Variants in PRUNE2 observed in about 807,000 individuals in gnomAD.
PRUNE2 encodes prune homolog 2 with BCH domain, also known as protein prune homolog 2.
A neutral mutation model predicts 252.0 loss-of-function variants in PRUNE2; 164 were observed. The observed-to-expected ratio is 0.65, with a 90% confidence interval of 0.57 to 0.74. PRUNE2 has a LOEUF of 0.74. Ranked by LOEUF, PRUNE2 falls within the 30% of genes least tolerant of loss-of-function variation. PRUNE2 has a pLI of 0.00. For synonymous variants in PRUNE2, 1,292 were observed against 1,350.2 expected (o/e 0.96, Z 0.94); for missense variants, 3,495 against 3,711.0 (o/e 0.94, Z 1.51).
chr9:76,833,710 A>C (rs148080158), intron 4 of PRUNE2, among the ~76,000 whole-genome samples: 1,823 of 151,542 alleles, frequency 0.012, 38 homozygotes, highest in African/African-American at 0.041. Flanking sequence ...GCTTGCAGTG[A>C]GCCGAGATTG....
intron 6 of PRUNE2, among the ~76,000 whole-genome samples, chr9:76,768,092 T>C (rs1033203246): frequency 6.6e-6 from 1 of 152,078 alleles, no homozygotes; most frequent in Non-Finnish European, 1.5e-5. Flanking sequence ...TCCCTGGCCA[T>C]CCCAGCACGG....
Position 76,905,937 on chromosome 9 carries a change from T to A in PRUNE2, c.27A>T (p.Lys9Asn). Residue 9 changes from lysine (K) to asparagine (N), a missense_variant, in exon 1 of 19, where the codon AAA (lysine) becomes AAT (asparagine). Physicochemically the swap from Lys to Asn is moderately conservative, Grantham distance 94. Transcript: ENST00000376718. The stretch of plus-strand genomic sequence containing the variant: ...TGCTCACTCAACTTACCAGTTTAGA[T>A]TTGGCGCGTTGCAAAAATTCTTCCA... MEEFLQRA[K>N]SKLNRSKRLE... is the part of the protein sequence containing the mutation. 1 of 1,614,180 alleles carries A rather than the reference T, an allele frequency of 6.2e-7. No individual in the cohort carries two copies. The highest frequency in any genetic ancestry group is 8.5e-7 in the Non-Finnish European group (1 of 1,180,026).
intron 1 of PRUNE2, among the ~76,000 whole-genome samples, chr9:76,859,245 G>T (rs2060425144): frequency 6.6e-6 from 1 of 152,112 alleles, no homozygotes; most frequent in South Asian, 2.1e-4. Flanking sequence ...ACTTTAATAT[G>T]CTTTCAAAGT....
chr9:76,837,346 G>A (rs747668183), intron 4 of PRUNE2, among the ~76,000 whole-genome samples: 2 of 151,952 alleles, frequency 1.3e-5, no homozygotes, highest in African/African-American at 2.4e-5. Context: ...GGAGGCTGAG[G>A]CAGGAGAATT....
intron 15 of PRUNE2, among the ~76,000 whole-genome samples, chr9:76,631,719 A>G (rs553612112): frequency 6.6e-6 from 1 of 152,294 alleles, no homozygotes; most frequent in South Asian, 2.1e-4. Context: ...AGGTTTTTAC[A>G]TGGGTAAACT....
chr9:76,668,906 G>C (rs764682388), intron 9 of PRUNE2, among the ~76,000 whole-genome samples: 1 of 150,282 alleles, frequency 6.7e-6, no homozygotes, highest in African/African-American at 2.4e-5. Context: ...CTGAGATCAA[G>C]ATGTCATCAG....
chr9:76,734,273 C>T (rs1228552920), intron 6 of PRUNE2, among the ~76,000 whole-genome samples: 2 of 152,072 alleles, frequency 1.3e-5, no homozygotes, highest in African/African-American at 2.4e-5. Context: ...AATGGAAAGA[C>T]GTTCAGGAGG....
At chr9:76,904,881 T>G (rs937488354) in intron 1 of PRUNE2, among the ~76,000 whole-genome samples, 2 of 152,234 alleles carry the variant, frequency 1.3e-5, no homozygotes, top group East Asian at 3.8e-4. Flanking sequence ...GCACTCCCTT[T>G]GTTGTGCGAG....
intron 1 of PRUNE2, among the ~76,000 whole-genome samples, chr9:76,892,679 C>A (rs1179685719): frequency 1.3e-5 from 2 of 152,140 alleles, no homozygotes; most frequent in African/African-American, 4.8e-5. Flanking sequence ...TATCTTAAGT[C>A]CTGTGCACAA....
At chr9:76,845,499 T>C (rs1164521480) in intron 4 of PRUNE2, among the ~76,000 whole-genome samples, 1 of 152,184 alleles carries the variant, frequency 6.6e-6, no homozygotes, top group Non-Finnish European at 1.5e-5. Flanking sequence ...ATAGAGCGTT[T>C]TTACCGACAT....
chr9:76,833,133 T>C (rs1190058644), intron 4 of PRUNE2, among the ~76,000 whole-genome samples: 1 of 152,174 alleles, frequency 6.6e-6, no homozygotes, highest in Non-Finnish European at 1.5e-5. Flanking sequence ...GAATTATATC[T>C]TCATTTTATG....
rs145457643 is a variant in PRUNE2 at position 76,904,944 on chromosome 9, C to T, written c.36+984G>A. Among the ~76,000 whole-genome samples, 440 of 152,292 alleles carry T rather than the reference C, an allele frequency of 2.9e-3. 2 individuals carry two copies. Among genetic ancestry groups the T allele is most frequent in the African/African-American group, 1.0e-2 (414 of 41,558 alleles). ...CAAATATCCTGCCTTGTGATTAAAA[C>T]ATTACCTTAATGCAGACTTTACATT... is the stretch of plus-strand genomic sequence containing the variant. On this transcript the variant is annotated intron_variant, in intron 1 of 18. Coordinates refer to ENST00000376718, the MANE Select transcript of PRUNE2 (RefSeq NM_015225.3).
At chr9:76,723,638 G>GT (rs1169113545) in intron 6 of PRUNE2, among the ~76,000 whole-genome samples, 3 of 152,094 alleles carry the variant, frequency 2.0e-5, no homozygotes, top group Non-Finnish European at 4.4e-5. Context: ...TAAGCATGTC[G>GT]TAAGTATGAA....
chr9:76,622,982 C>A (rs1833032701), intron 17 of PRUNE2, among the ~76,000 whole-genome samples: 1 of 152,052 alleles, frequency 6.6e-6, no homozygotes, highest in South Asian at 2.1e-4. Flanking sequence ...TAAAAATGTA[C>A]CATAGGGGAA....
chr9:76,613,802 TA>T lies in PRUNE2; in HGVS notation c.*767del, dbSNP rs1258401975. ...ACCTTGCACTTGAGTTCTTGGCACT[TA>T]AAAGGTAACCTCTGGAGCTGAGTTT... On this transcript the variant is annotated 3_prime_UTR_variant, in exon 19 of 19. Transcript: ENST00000376718. The T allele has an allele frequency of 6.6e-6, 1 of 152,258 alleles. No homozygotes were observed. The highest frequency in any genetic ancestry group is 2.4e-5 in the African/African-American group (1 of 41,546). 9.4% of individuals were successfully genotyped at this position (152,258 alleles called of 1,614,324 possible).
chr9:76,877,399 G>A (rs143903215), intron 1 of PRUNE2, among the ~76,000 whole-genome samples: 38 of 152,062 alleles, frequency 2.5e-4, no homozygotes, highest in African/African-American at 8.0e-4. Flanking sequence ...CCAGCTAATC[G>A]GGAGGCTTGC....
Position 76,706,276 on chromosome 9 carries a change from G to A in PRUNE2, c.5998C>T (p.Gln2000Ter). The A allele has an allele frequency of 6.2e-7, 1 of 1,613,920 alleles. No homozygotes were observed. The highest frequency in any genetic ancestry group is 1.7e-5 in the Admixed American group (1 of 60,012). The part of the protein sequence containing the change: ...NEGQETNQWE[Q>*]EKSYLGEMTN... Reference sequence around the variant, plus strand: ...ATCTCACCTAGGTATGATTTTTCTTGTTCCCACTGATTTGTTTCTTGACCT... The same window carrying A: ...ATCTCACCTAGGTATGATTTTTCTTATTCCCACTGATTTGTTTCTTGACCT... The change falls in exon 8 of 19, where the codon CAA becomes TAA. Residue 2000 changes from glutamine to a stop codon, truncating the protein, a stop_gained. Transcript: ENST00000376718. LOFTEE classifies it high-confidence loss of function.
At chr9:76,816,999 A>C (rs1396908897) in intron 6 of PRUNE2, among the ~76,000 whole-genome samples, 5 of 152,196 alleles carry the variant, frequency 3.3e-5, no homozygotes, top group African/African-American at 4.8e-5. Context: ...TTAGCTTCAC[A>C]ATGAGCACCT....
intron 1 of PRUNE2, among the ~76,000 whole-genome samples, chr9:76,866,591 C>A (rs975586788): frequency 6.6e-6 from 1 of 152,056 alleles, no homozygotes; most frequent in Non-Finnish European, 1.5e-5. Flanking sequence ...TTTTGCAAAA[C>A]GCTGGCAATT....
Sources: allele counts gnomAD v4.1 joint callset (sites outside exome capture counted in the v4.1 genomes callset), GRCh38; gene constraint gnomAD v4.1.1; transcripts MANE v1.5; gene names NCBI Gene and HGNC (gene_info 2026-07-23, HGNC 2026-07-21).